The following SLC7A3 variants were observed in gnomAD, a reference collection of about 807,000 sequenced individuals.
SLC7A3 encodes the protein cationic amino acid transporter 3.
In SLC7A3, 3 loss-of-function variants were observed where a neutral mutation model predicts 33.2. That is an observed-to-expected ratio of 0.09 (90% CI 0.04 to 0.23). The LOEUF (loss-of-function observed/expected upper bound fraction) is 0.23. Among genes scored for constraint, SLC7A3 ranks in the 10% least tolerant of loss-of-function variants. The pLI is 1.00. For missense variants in SLC7A3, 360 were observed against 488.8 expected (o/e 0.74, Z 2.48); for synonymous variants, 193 against 195.1 (o/e 0.99, Z 0.09).
intron 2 of SLC7A3, 138 bp downstream of exon 2, chrX:70,929,490 C>G (rs1037666587): frequency 1.2e-5 from 9 of 771,652 alleles, no homozygotes; most frequent in Non-Finnish European, 1.6e-5. Flanking sequence ...AACACCCCCC[C>G]CCAGACCCCC....
At position 70,928,830 on chromosome X, in the gene SLC7A3, G is replaced by A; in HGVS notation, c.529+14C>T. On this transcript the variant is annotated intron_variant, in intron 3 of 11. Coordinates refer to ENST00000374299, the MANE Select transcript of SLC7A3 (RefSeq NM_032803.6). ...GGCCCAACCCCCACCATTATACCCT[G>A]CTCTTTGCCTCACCAGTGAGCAGCA... The A allele has an allele frequency of 8.3e-7, 1 of 1,206,753 alleles. No individual in the cohort carries two copies. The highest frequency in any genetic ancestry group is 1.1e-6 in the Non-Finnish European group (1 of 894,379).
Position 70,927,551 on chromosome X carries a change from T to C in SLC7A3, c.1116A>G (p.Val372=), listed in dbSNP as rs1602236986. The stretch of plus-strand genomic sequence containing the variant: ...GTGTGCCGGTGTGGATCCGAGCAAG[T>C]ACACGGAACAGGAGGCCATCCTCTG... ...AMAEDGLLFR[V]LARIHTGTRT... is the part of the protein sequence containing the mutation. The change falls in exon 7 of 12, where the codon GTA becomes GTG. Residue 372 remains valine (V), a synonymous_variant. Transcript: ENST00000374299. 1 of 1,208,772 alleles carries C rather than the reference T, an allele frequency of 8.3e-7. No individual in the cohort carries two copies. Among genetic ancestry groups the C allele is most frequent in the African/African-American group, 1.8e-5 (1 of 57,028 alleles).
chrX:70,928,372 C>A, intron 4 of SLC7A3, 84 bp downstream of exon 4: 1 of 1,109,824 alleles, frequency 9.0e-7, no homozygotes, highest in Admixed American at 2.7e-5. Flanking sequence ...CATTTTTTCC[C>A]ATCCCCATCC....
In SLC7A3 at chrX:70,929,951, C is replaced by T. The variant is rs1420439665; in HGVS notation, c.47G>A (p.Arg16Lys). The change falls in exon 2 of 12, where the codon AGA becomes AAA. Residue 16 changes from arginine to lysine, a missense_variant. By Grantham distance (26) the Arg-to-Lys change is conservative. Coordinates refer to ENST00000374299, the MANE Select transcript of SLC7A3 (RefSeq NM_032803.6). ...FRRFGQKLVRRRTLESGMAET... is the reference protein window; with the variant it reads ...FRRFGQKLVRKRTLESGMAET... ...AGCCATGCCTGACTCCAGTGTACGTCTGCGTACCAGCTTTTGACCAAATCT... is the reference window on the plus strand; with the variant it reads ...AGCCATGCCTGACTCCAGTGTACGTTTGCGTACCAGCTTTTGACCAAATCT... The T allele has an allele frequency of 8.3e-7, 1 of 1,206,385 alleles. No individual in the cohort carries two copies. The highest frequency in any genetic ancestry group is 1.7e-5 in the African/African-American group (1 of 57,262).
At position 70,929,822 on chromosome X, in the gene SLC7A3, T is replaced by A; in HGVS notation, c.176A>T (p.Lys59Ile). The change falls in exon 2 of 12, where the codon AAA becomes ATA. Residue 59 changes from lysine to isoleucine, a missense_variant. Lys to Ile is a moderately radical substitution (Grantham distance 102). Transcript: ENST00000374299. ...CACAATGGATGGCCCTGCTTTATCTTTGGCCACCTCGCCAGCTAGGACATA... is the reference window on the plus strand; with the variant it reads ...CACAATGGATGGCCCTGCTTTATCTATGGCCACCTCGCCAGCTAGGACATA... Reference protein sequence around the residue: ...GVYVLAGEVAKDKAGPSIVIC... With the variant: ...GVYVLAGEVAIDKAGPSIVIC... 8.3e-7 allele frequency: 1 copy of A among 1,210,494 alleles called. No individual in the cohort carries two copies. The highest frequency in any genetic ancestry group is 1.1e-6 in the Non-Finnish European group (1 of 894,834).
Position 70,926,132 on chromosome X carries a change from A to T in SLC7A3, c.1667T>A (p.Ile556Asn), listed in dbSNP as rs756486258. Residue 556 changes from isoleucine to asparagine, a missense_variant, in exon 11 of 12, where the codon ATT becomes AAT. Ile to Asn is a moderately radical substitution (Grantham distance 149). Coordinates refer to ENST00000374299, the MANE Select transcript of SLC7A3 (RefSeq NM_032803.6). ...LLPLMSIFVN[I>N]YLMMQMTAGT... ...AGCTGTCATCTGCATCATAAGGTAAATATTCACAAAGATGCTCATTAGTGG... is the reference window on the plus strand; with the variant it reads ...AGCTGTCATCTGCATCATAAGGTAATTATTCACAAAGATGCTCATTAGTGG... 8.3e-7 allele frequency: 1 copy of T among 1,211,014 alleles called. No homozygotes were observed. The highest frequency in any genetic ancestry group is 1.1e-6 in the Non-Finnish European group (1 of 895,231).
chrX:70,928,481 T>C lies in SLC7A3; in HGVS notation c.682A>G (p.Met228Val). ...KLTEEDYELA[M>V]AELNDTYSLG... The stretch of plus-strand genomic sequence containing the variant: ...CTATAGGTGTCATTGAGTTCAGCCA[T>C]GGCCAATTCGTAGTCCTCTTCTGTG... Residue 228 changes from methionine to valine, a missense_variant, in exon 4 of 12, where the codon ATG (methionine) becomes GTG (valine). Met to Val is a conservative substitution (Grantham distance 21). Transcript: ENST00000374299. The C allele has an allele frequency of 8.3e-7, 1 of 1,205,088 alleles. No individual in the cohort carries two copies. The highest frequency in any genetic ancestry group is 1.1e-6 in the Non-Finnish European group (1 of 892,082).
rs1458841226 is a variant in SLC7A3 at position 70,928,896 on chromosome X, G to A, written c.477C>T (p.Val159=). ...CAAAGAAATCTGGATATTCTGCAAG[G>A]ACATGGGGCACGTGCAGTGCAATGG... is the stretch of plus-strand genomic sequence containing the variant. ...QGSIALHVPH[V]LAEYPDFFAL... The change falls in exon 3 of 12, where the codon GTC becomes GTT. Residue 159 remains valine, a synonymous_variant. Coordinates refer to ENST00000374299, the MANE Select transcript of SLC7A3 (RefSeq NM_032803.6). 2 of 1,211,468 alleles carry A rather than the reference G, an allele frequency of 1.7e-6. No individual in the cohort carries two copies. The highest frequency in any genetic ancestry group is 5.9e-5 in the East Asian group (2 of 33,832).
At chrX:70,930,105 A>G in intron 1 of SLC7A3, 83 bp from the exon 2 acceptor site, 1 of 964,601 alleles carries the variant, frequency 1.0e-6, no homozygotes, top group South Asian at 2.5e-5. Flanking sequence ...CCCCTCCACC[A>G]AGCAAAGGAG....
chrX:70,927,201 G>A (rs990391363), intron 8 of SLC7A3, 81 bp downstream of exon 8: 50 of 1,070,267 alleles, frequency 4.7e-5, no homozygotes, highest in Non-Finnish European at 6.3e-5. Context: ...TGAAGGCGAA[G>A]GAGGAAAGAG....
Position 70,926,561 on chromosome X carries a change from C to T in SLC7A3, c.1586G>A (p.Arg529Lys), listed in dbSNP as rs750652204. The T allele has an allele frequency of 3.3e-6, 4 of 1,198,109 alleles. No homozygotes were observed. The highest frequency in any genetic ancestry group is 3.4e-6 in the Non-Finnish European group (3 of 889,512). The change falls in exon 10 of 12, where the codon AGA becomes AAA. Residue 529 changes from arginine to lysine, a missense_variant. Transcript: ENST00000374299. ...LIIGIIVVIW[R>K]QPQSSTPLHF... ...AAGGGGAGTGGAACTCTGTGGCTGT[C>T]TCCAGATGACCACAATGATCCCAAT...
In SLC7A3 at chrX:70,927,506, G is replaced by A. The variant is rs765897186; in HGVS notation, c.1161C>T (p.Thr387=). ...HTGTRTPIIA[T]VVSGIIAAFM... is the part of the protein sequence containing the mutation. ...TACCTGCAATAATGCCAGAGACCACGGTGGCTATGATTGGGGTGCGTGTGC... is the reference window on the plus strand; with the variant it reads ...TACCTGCAATAATGCCAGAGACCACAGTGGCTATGATTGGGGTGCGTGTGC... The change falls in exon 7 of 12, where the codon ACC becomes ACT. Residue 387 remains threonine (T), a synonymous_variant. Coordinates refer to ENST00000374299, the MANE Select transcript of SLC7A3 (RefSeq NM_032803.6). The A allele has an allele frequency of 2.1e-5, 25 of 1,209,749 alleles. No homozygotes were observed. The highest frequency in any genetic ancestry group is 5.9e-5 in the East Asian group (2 of 33,750).
chrX:70,929,754 G>A lies in SLC7A3; in HGVS notation c.244C>T (p.Leu82=). The change falls in exon 2 of 12, where the codon CTG becomes TTG. Residue 82 remains leucine, a synonymous_variant. Transcript: ENST00000374299. ...CGGGCACCAAACTCCGCATAGCACA[G>A]CCCAGCCAACACAGAAGACAGGGCA... ...VAALSSVLAG[L]CYAEFGARVP... 8.3e-7 allele frequency: 1 copy of A among 1,211,048 alleles called. No individual in the cohort carries two copies. The highest frequency in any genetic ancestry group is 1.1e-6 in the Non-Finnish European group (1 of 895,171).
At position 70,926,050 on chromosome X, in the gene SLC7A3, C is replaced by T. The variant is rs369026720; in HGVS notation, c.1729+20G>A. On this transcript the variant is annotated intron_variant, in intron 11 of 11. Coordinates refer to ENST00000374299, the MANE Select transcript of SLC7A3 (RefSeq NM_032803.6). ...GGCTAGGACACCAAAGAAGCCTACT[C>T]TTCCCAAGTGGATACCTACCAATCA... 72 of 1,205,784 alleles carry T rather than the reference C, an allele frequency of 6.0e-5. No individual in the cohort carries two copies. Among genetic ancestry groups the T allele is most frequent in the Non-Finnish European group, 7.3e-5 (65 of 891,823 alleles).
At chrX:70,926,449 A>G (rs2091896900) in intron 10 of SLC7A3, 78 bp downstream of exon 10, 1 of 1,035,405 alleles carries the variant, frequency 9.7e-7, no homozygotes, top group Admixed American at 3.2e-5. Flanking sequence ...ATATCTATGA[A>G]CTTTATTAGA....
chrX:70,929,250 G>A (rs753812878), intron 2 of SLC7A3, among the ~76,000 whole-genome samples: 41 of 111,370 alleles, frequency 3.7e-4, no homozygotes, highest in Non-Finnish European at 3.6e-4. Context: ...GCCACCCTGC[G>A]CGGCTAACTT....
chrX:70,928,666 A>G lies in SLC7A3; in HGVS notation c.530-33T>C, dbSNP rs1363571230. 4.3e-6 allele frequency: 5 copies of G among 1,163,255 alleles called. No homozygotes were observed. In the African/African-American group the frequency reaches 5.4e-5, roughly 13 times the overall value. On this transcript the variant is annotated intron_variant, in intron 3 of 11. Transcript: ENST00000374299. ...AGAAATGCATTCAGGACTCCCAGAAAGTCTTCAGTCCAAGCTTTGTTTCCC... is the reference window on the plus strand; with the variant it reads ...AGAAATGCATTCAGGACTCCCAGAAGGTCTTCAGTCCAAGCTTTGTTTCCC...
In SLC7A3 at chrX:70,930,528, T is replaced by C. The variant is rs1442876957; in HGVS notation, c.-26+449A>G. On this transcript the variant is annotated intron_variant, in intron 1 of 11. Coordinates refer to ENST00000374299, the MANE Select transcript of SLC7A3 (RefSeq NM_032803.6). ...GATTAAAAGTGAGCACCGACTCAAT[T>C]CCATCCCTCCTCACCAAGCCCACAC... is the stretch of plus-strand genomic sequence containing the variant. Among the ~76,000 whole-genome samples, 3 of 111,469 alleles carry C rather than the reference T, an allele frequency of 2.7e-5. No individual in the cohort carries two copies. The East Asian group carries it at 8.5e-4, about 32-fold the overall frequency.
rs767700573 is a variant in SLC7A3, at chrX:70,926,120, A to C, written c.1679T>G (p.Met560Arg). ...MSIFVNIYLMMQMTAGTWARF... is the reference protein window; with the variant it reads ...MSIFVNIYLMRQMTAGTWARF... ...GGCCCAGGTACCAGCTGTCATCTGC[A>C]TCATAAGGTAAATATTCACAAAGAT... The change falls in exon 11 of 12, where the codon ATG becomes AGG. Residue 560 changes from methionine (M) to arginine (R), a missense_variant. Met to Arg is a moderately conservative substitution (Grantham distance 91). Coordinates refer to ENST00000374299, the MANE Select transcript of SLC7A3 (RefSeq NM_032803.6). The C allele has an allele frequency of 3.3e-6, 4 of 1,211,276 alleles. No homozygotes were observed. In the South Asian group the frequency reaches 7.0e-5, roughly 21 times the overall value.
Sources: gnomAD v4.1 joint callset for allele counts (sites outside exome capture counted in the v4.1 genomes callset) on GRCh38, gnomAD v4.1.1 for gene constraint, MANE v1.5 for transcripts, NCBI Gene and HGNC (gene_info 2026-07-23, HGNC 2026-07-21) for gene names.